Variants in CMTM7 observed in about 807,000 individuals in gnomAD.
CMTM7 encodes the protein CKLF-like MARVEL transmembrane domain-containing protein 7.
In CMTM7, 7 loss-of-function variants were observed where a neutral mutation model predicts 19.3. That is an observed-to-expected ratio of 0.36 (90% CI 0.21 to 0.68). The LOEUF (loss-of-function observed/expected upper bound fraction) is 0.68. Ranked by LOEUF, CMTM7 falls within the 30% of genes least tolerant of loss-of-function variation. The pLI is 0.60. For missense variants in CMTM7, 193 were observed against 232.6 expected (o/e 0.83, Z 1.11); for synonymous variants, 87 against 99.3 (o/e 0.88, Z 0.74).
At position 32,449,495 on chromosome 3, in the gene CMTM7, C is replaced by T. The variant is rs748310038; in HGVS notation, c.375C>T (p.Ile125=). 6.2e-6 allele frequency: 10 copies of T among 1,614,184 alleles called. No homozygotes were observed. In the South Asian group the frequency reaches 7.7e-5, roughly 12 times the overall value. Reference sequence around the variant, plus strand: ...TAATCGGTACCCTGCTCCTCCTCATCGCCTCCATTGTGGCAGCTTCCAAGA... The same window carrying T: ...TAATCGGTACCCTGCTCCTCCTCATTGCCTCCATTGTGGCAGCTTCCAAGA... ...HYLIGTLLLL[I]ASIVAASKSY... is the part of the protein sequence containing the mutation. The change falls in exon 3 of 5, where the codon ATC becomes ATT. Residue 125 remains isoleucine, a synonymous_variant. Transcript: ENST00000334983. This position sits in a 1 kb window ranked among gnomAD's most constrained non-coding sequence, Gnocchi z 4.5.
At chr3:32,445,920 ATTT>A (rs893791314) in intron 2 of CMTM7, among the ~76,000 whole-genome samples, 1 of 152,048 alleles carries the variant, frequency 6.6e-6, no homozygotes, top group Non-Finnish European at 1.5e-5. Flanking sequence ...GTTTGCTAAT[ATTT>A]TGTTGAGGAT....
At chr3:32,410,413 C>G (rs775276598) in intron 1 of CMTM7, among the ~76,000 whole-genome samples, 6 of 152,214 alleles carry the variant, frequency 3.9e-5, no homozygotes, top group Admixed American at 3.3e-4. Flanking sequence ...TTGGTAATAG[C>G]ACTCCTTTCC....
chr3:32,405,174 T>C (rs180977480), intron 1 of CMTM7, among the ~76,000 whole-genome samples: 1 of 152,326 alleles, frequency 6.6e-6, no homozygotes, highest in Admixed American at 6.5e-5. Context: ...TGTTGCAGTC[T>C]TGTGAGACTC....
chr3:32,417,306 C>T (rs1696281773), intron 1 of CMTM7, among the ~76,000 whole-genome samples: 1 of 152,156 alleles, frequency 6.6e-6, no homozygotes, highest in South Asian at 2.1e-4. Flanking sequence ...TCCAGAATGT[C>T]GTATAAATGG....
chr3:32,406,407 A>G (rs1559402249), intron 1 of CMTM7, among the ~76,000 whole-genome samples: 2 of 152,148 alleles, frequency 1.3e-5, no homozygotes, highest in African/African-American at 4.8e-5. Context: ...GCTTTTCAAC[A>G]TTTTTGCATG....
chr3:32,402,239 G>A (rs1226388980), intron 1 of CMTM7, among the ~76,000 whole-genome samples: 4 of 152,002 alleles, frequency 2.6e-5, no homozygotes, highest in Non-Finnish European at 5.9e-5. Context: ...AGCCTCCCAG[G>A]TGGCTGGGGC....
At chr3:32,448,548 G>A (rs1301719878) in intron 2 of CMTM7, among the ~76,000 whole-genome samples, 1 of 152,208 alleles carries the variant, frequency 6.6e-6, no homozygotes, top group Non-Finnish European at 1.5e-5. Context: ...CGGATCTGAT[G>A]TTTAATGGGG....
chr3:32,418,701 C>T (rs1350216650), intron 1 of CMTM7, among the ~76,000 whole-genome samples: 3 of 152,206 alleles, frequency 2.0e-5, no homozygotes, highest in Admixed American at 2.0e-4. Flanking sequence ...AAAAGACCAG[C>T]TGATTATATT....
chr3:32,401,497 C>T (rs1696002836), intron 1 of CMTM7, among the ~76,000 whole-genome samples: 1 of 152,252 alleles, frequency 6.6e-6, no homozygotes, highest in African/African-American at 2.4e-5. Context: ...GCCCCGCAAG[C>T]ACGCCAGGAC....
chr3:32,421,126 G>A (rs1044570186), intron 1 of CMTM7, among the ~76,000 whole-genome samples: 1 of 151,898 alleles, frequency 6.6e-6, no homozygotes, highest in African/African-American at 2.4e-5. Flanking sequence ...AGTCCCCATT[G>A]CCTTGCTAGA....
At chr3:32,404,586 G>C (rs1696063144) in intron 1 of CMTM7, among the ~76,000 whole-genome samples, 1 of 152,214 alleles carries the variant, frequency 6.6e-6, no homozygotes, top group East Asian at 1.9e-4. Context: ...AAGTTGTGGA[G>C]CCAGCATTTG....
At chr3:32,452,151 G>A (rs566626581) in intron 3 of CMTM7, 6 of 1,492,736 alleles carry the variant, frequency 4.0e-6, no homozygotes, top group East Asian at 2.7e-5. Context: ...AGTGAAGACC[G>A]AGAGGCCTGG....
intron 1 of CMTM7, among the ~76,000 whole-genome samples, chr3:32,392,858 C>T (rs549963626): frequency 2.6e-5 from 4 of 152,274 alleles, no homozygotes; most frequent in Admixed American, 1.3e-4. Context: ...GTTGCCTGGC[C>T]GATTCTCTTG....
intron 1 of CMTM7, among the ~76,000 whole-genome samples, chr3:32,394,001 G>C (rs925230893): frequency 6.6e-6 from 1 of 152,180 alleles, no homozygotes; most frequent in African/African-American, 2.4e-5. Context: ...TCTTTATCTG[G>C]TTGCTTATTC....
chr3:32,406,796 A>C (rs1360167447), intron 1 of CMTM7, among the ~76,000 whole-genome samples: 2 of 152,230 alleles, frequency 1.3e-5, no homozygotes, highest in Non-Finnish European at 2.9e-5. Flanking sequence ...GCCCAGCCTC[A>C]GCCTGATTCT....
chr3:32,430,190 G>A (rs1259236476), intron 1 of CMTM7, among the ~76,000 whole-genome samples: 2 of 152,106 alleles, frequency 1.3e-5, no homozygotes, highest in Admixed American at 6.5e-5. Flanking sequence ...TGACACTTCT[G>A]TCACACCCCC....
chr3:32,392,038 C>A lies in CMTM7; in HGVS notation c.132C>A (p.His44Gln). 4 of 1,235,204 alleles carry A rather than the reference C, an allele frequency of 3.2e-6. No individual in the cohort carries two copies. Among genetic ancestry groups the A allele is most frequent in the Admixed American group, 4.2e-5 (1 of 23,650 alleles). The allele number at this position is 1,235,204 out of a possible 1,614,324, so 76.5% of individuals were successfully genotyped here. The change falls in exon 1 of 5, where the codon CAC becomes CAA. Residue 44 changes from histidine (H) to glutamine (Q), a missense_variant. By Grantham distance (24) the His-to-Gln change is conservative (BLOSUM62 0). Transcript: ENST00000334983. ...TGGACCTCAGCTACCCCCGCACCCA[C>A]GCGGCCCTGCTGAAAGTGGCGCAAA... The part of the protein sequence containing the change: ...GLLDLSYPRT[H>Q]AALLKVAQMV...
chr3:32,447,005 G>T (rs144025766), intron 2 of CMTM7, among the ~76,000 whole-genome samples: 300 of 152,228 alleles, frequency 2.0e-3, no homozygotes, highest in Non-Finnish European at 3.1e-3. Context: ...GATGTGGAAG[G>T]TCATCATCTA....
Position 32,401,746 on chromosome 3 carries a change from G to C in CMTM7, c.159+9681G>C, listed in dbSNP as rs1207861330. Reference sequence around the variant, plus strand: ...CCTTCTTTGTTACTACTTTGGCTCAGTGGTTTCCTGGGCTCGCTGCTCATT... The same window carrying C: ...CCTTCTTTGTTACTACTTTGGCTCACTGGTTTCCTGGGCTCGCTGCTCATT... On this transcript the variant is annotated intron_variant, in intron 1 of 4. Coordinates refer to ENST00000334983, the MANE Select transcript of CMTM7 (RefSeq NM_138410.4). 2.0e-5 allele frequency among the ~76,000 whole-genome samples: 3 copies of C among 152,252 alleles called. No individual in the cohort carries two copies. In the East Asian group the frequency reaches 5.8e-4, roughly 29 times the overall value.
Sources: gnomAD v4.1 joint callset for allele counts (sites outside exome capture counted in the v4.1 genomes callset) on GRCh38, gnomAD v4.1.1 for gene constraint, Gnocchi (gnomAD v3.1) non-coding constraint, MANE v1.5 for transcripts, NCBI Gene and HGNC (gene_info 2026-07-23, HGNC 2026-07-21) for gene names.